The following UBE2D3 variants were observed in gnomAD, a reference collection of about 807,000 sequenced individuals.
UBE2D3 encodes the protein ubiquitin-conjugating enzyme E2 D3.
Under a neutral mutation model 22.8 loss-of-function variants are expected in UBE2D3, and 2 were observed. The ratio of observed to expected loss-of-function variants is 0.09; its 90% CI spans 0.04 to 0.28. The LOEUF (loss-of-function observed/expected upper bound fraction) is 0.28. Among genes scored for constraint, UBE2D3 ranks in the 10% least tolerant of loss-of-function variants. The probability of loss-of-function intolerance (pLI) is 1.00; values close to 1 mark genes in which losing one functional copy is unlikely to be tolerated. For synonymous variants in UBE2D3, 56 were observed against 60.4 expected (o/e 0.93, Z 0.34); for missense variants, 27 against 182.5 (o/e 0.15, Z 4.91).
upstream of UBE2D3, chr4:102,828,127 G>C: frequency 1.0e-6 from 1 of 985,476 alleles, no homozygotes; most frequent in South Asian, 4.7e-5. Flanking sequence ...TGCCAGGAAA[G>C]CAACGCCCCT....
At chr4:102,848,995 G>A (rs530393174) in intron 1 of UBE2D3, among the ~76,000 whole-genome samples, 209 of 148,714 alleles carry the variant, frequency 1.4e-3, no homozygotes, top group African/African-American at 5.0e-3. Context: ...CTTACTTAAG[G>A]GTCCATTTCC....
intron 2 of UBE2D3, chr4:102,819,573 C>A (rs1729264551): frequency 1.0e-6 from 1 of 985,194 alleles, no homozygotes; most frequent in Non-Finnish European, 1.2e-6. Flanking sequence ...AAGTGTCAAC[C>A]CTATTAAAGC....
chr4:102,808,307 TG>T (rs1417832705), intron 4 of UBE2D3, among the ~76,000 whole-genome samples: 4 of 152,330 alleles, frequency 2.6e-5, no homozygotes, highest in African/African-American at 9.6e-5. Flanking sequence ...TGGGCCAAAC[TG>T]GGTAACTCAA....
intron 1 of UBE2D3, chr4:102,868,602 G>A: frequency 7.2e-7 from 1 of 1,388,826 alleles, no homozygotes; most frequent in Non-Finnish European, 1.0e-6. Flanking sequence ...ACTGGGGTCT[G>A]GGTAGGGGGA....
chr4:102,847,751 C>T (rs538019075), intron 1 of UBE2D3, among the ~76,000 whole-genome samples: 4 of 152,178 alleles, frequency 2.6e-5, no homozygotes, highest in African/African-American at 9.6e-5. Context: ...TTAGACAACC[C>T]TCCTGCCTCA....
intron 1 of UBE2D3, among the ~76,000 whole-genome samples, chr4:102,856,313 G>A (rs1240324089): frequency 4.6e-5 from 7 of 152,224 alleles, no homozygotes; most frequent in Admixed American, 4.6e-4. Flanking sequence ...GCTGCAGTGA[G>A]CTGAGATTGC....
At chr4:102,822,527 C>T (rs549299339) in intron 2 of UBE2D3, among the ~76,000 whole-genome samples, 1 of 152,336 alleles carries the variant, frequency 6.6e-6, no homozygotes, top group Non-Finnish European at 1.5e-5. Flanking sequence ...TCTTAACTCA[C>T]AAATTAGCTA....
intron 6 of UBE2D3, among the ~76,000 whole-genome samples, chr4:102,799,984 T>C (rs1725886415): frequency 6.6e-6 from 1 of 152,030 alleles, no homozygotes; most frequent in African/African-American, 2.4e-5. Context: ...CTTGAACTTG[T>C]AAGCAAGAAA....
chr4:102,843,709 C>A (rs987101388), intron 1 of UBE2D3: 1 of 152,188 alleles, frequency 6.6e-6, no homozygotes, highest in Admixed American at 6.5e-5. Flanking sequence ...TCATCTTGCA[C>A]CTTCTAGCAT....
At chr4:102,812,682 AGCT>A (rs1264228364) in intron 2 of UBE2D3, 1 of 152,230 alleles carries the variant, frequency 6.6e-6, no homozygotes, top group Non-Finnish European at 1.5e-5. Context: ...CTTTCAATGG[AGCT>A]GCTATTTTTA....
rs777482074 is a variant in UBE2D3 at position 102,807,960 on chromosome 4, A to C, written c.120+1712T>G. Among the ~76,000 whole-genome samples, 7 of 152,354 alleles carry C rather than the reference A, an allele frequency of 4.6e-5. No homozygotes were observed. The South Asian group carries it at 1.2e-3, about 27-fold the overall frequency. ...CACCATCCAATTAGAAGTTTTAATT[A>C]CCAACGCTTCTGTGCTTTCTTAGTA... On this transcript the variant is annotated intron_variant, in intron 4 of 7. Coordinates refer to ENST00000453744, the MANE Select transcript of UBE2D3 (RefSeq NM_181891.3).
chr4:102,840,971 G>A (rs1336754583), intron 1 of UBE2D3, among the ~76,000 whole-genome samples: 2 of 151,206 alleles, frequency 1.3e-5, no homozygotes, highest in African/African-American at 4.9e-5. Context: ...AGTGAGCTGA[G>A]ATCATGCCAC....
intron 1 of UBE2D3, chr4:102,843,573 T>G (rs1476664934): frequency 3.9e-5 from 6 of 152,158 alleles, no homozygotes; most frequent in African/African-American, 1.4e-4. Flanking sequence ...TAAACTGTCA[T>G]CATAATGAGT....
At position 102,798,281 on chromosome 4, in the gene UBE2D3, T is replaced by TATATATATATATATAC. The variant is rs1422750899; in HGVS notation, c.399-822_399-821insGTATATATATATATAT. On this transcript the variant is annotated intron_variant, in intron 7 of 7. Coordinates refer to ENST00000453744, the MANE Select transcript of UBE2D3 (RefSeq NM_181891.3). ...AACAGTGATAACCTTAAGAAATGAATATATATATATATATATGCACAGGAG... is the reference window on the plus strand; with the variant it reads ...AACAGTGATAACCTTAAGAAATGAATATATATATATATATACATATATATATATATATGCACAGGAG... 4.2e-5 allele frequency among the ~76,000 whole-genome samples: 6 copies of TATATATATATATATAC among 142,674 alleles called. 1 individual carries two copies. In the East Asian group the frequency reaches 1.2e-3, roughly 28 times the overall value. 93.6% of individuals were successfully genotyped at this position (142,674 alleles called of 152,430 possible). A position where few individuals can be genotyped will look rare whatever the true frequency, so the allele number is the denominator to read the frequency against.
intron 2 of UBE2D3, chr4:102,825,859 C>A: frequency 2.2e-6 from 1 of 448,300 alleles, no homozygotes; most frequent in Non-Finnish European, 4.5e-6. Flanking sequence ...AAAGCTGCAA[C>A]TACAAAATAC....
intron 5 of UBE2D3, chr4:102,802,142 C>A: frequency 6.4e-6 from 1 of 156,062 alleles, no homozygotes; most frequent in South Asian, 2.0e-4. Context: ...ACCTATAAAC[C>A]AGTGCACTAA....
chr4:102,824,724 A>G (rs1004563071), intron 2 of UBE2D3, among the ~76,000 whole-genome samples: 5 of 152,254 alleles, frequency 3.3e-5, no homozygotes, highest in Non-Finnish European at 5.9e-5. Context: ...CACATGCACA[A>G]AAAGCTATGG....
At chr4:102,832,214 A>C (rs50034), upstream of UBE2D3, among the ~76,000 whole-genome samples, 87,314 of 151,996 alleles carry the variant, frequency 0.57, 26,373 homozygotes, top group African/African-American at 0.78. Flanking sequence ...GGCTCCTAGG[A>C]AGAGGAAACA....
chr4:102,837,689 C>T (rs1472108379), intron 1 of UBE2D3, among the ~76,000 whole-genome samples: 1 of 152,010 alleles, frequency 6.6e-6, no homozygotes, highest in African/African-American at 2.4e-5. Flanking sequence ...CAGTGGCTCA[C>T]GCCTGTAATC....
Sources: allele counts gnomAD v4.1 joint callset (sites outside exome capture counted in the v4.1 genomes callset), GRCh38; gene constraint gnomAD v4.1.1; transcripts MANE v1.5; gene names NCBI Gene and HGNC (gene_info 2026-07-23, HGNC 2026-07-21).